ITPK1: variants seen among roughly 807,000 people sequenced by gnomAD.
ITPK1 encodes the protein inositol 1,3,4-trisphosphate 5/6-kinase.
In ITPK1, 21 loss-of-function variants were observed where a neutral mutation model predicts 45.3. That is an observed-to-expected ratio of 0.46 (90% CI 0.33 to 0.67). The LOEUF (loss-of-function observed/expected upper bound fraction) is 0.67. Among genes scored for constraint, ITPK1 ranks in the 30% least tolerant of loss-of-function variants. The pLI, the probability that ITPK1 is intolerant of heterozygous loss-of-function variation, is 0.02. For synonymous variants in ITPK1, 258 were observed against 253.6 expected (o/e 1.02, Z -0.16); for missense variants, 474 against 573.5 (o/e 0.83, Z 1.77).
At chr14:93,062,871 G>C (rs548300353) in intron 3 of ITPK1, among the ~76,000 whole-genome samples, 3 of 152,290 alleles carry the variant, frequency 2.0e-5, no homozygotes, top group African/African-American at 7.2e-5. Flanking sequence ...GTCCCTGATG[G>C]ACAAAGGAAG....
At chr14:93,112,288 C>T (rs1214012112) in intron 2 of ITPK1, among the ~76,000 whole-genome samples, 1 of 152,156 alleles carries the variant, frequency 6.6e-6, no homozygotes. Context: ...GTTTCCCCAT[C>T]TGTAAGACAA....
intron 9 of ITPK1, 108 bp from the exon 10 acceptor site, chr14:92,946,601 GC>G: frequency 9.1e-7 from 1 of 1,101,482 alleles, no homozygotes; most frequent in Non-Finnish European, 1.3e-6. Context: ...CATGCTTCAG[GC>G]CAGGAAGCCA....
intron 5 of ITPK1, among the ~76,000 whole-genome samples, chr14:92,983,317 C>T (rs768433775): frequency 6.6e-6 from 1 of 152,142 alleles, no homozygotes; most frequent in Non-Finnish European, 1.5e-5. Flanking sequence ...AACATGGCAG[C>T]CTTTTTTACT....
intron 3 of ITPK1, chr14:93,067,613 G>C (rs776202134): frequency 6.6e-6 from 1 of 152,102 alleles, no homozygotes; most frequent in Non-Finnish European, 1.5e-5. Flanking sequence ...AAACCACTCA[G>C]AGTATGACGA....
chr14:93,001,386 C>A (rs1241656555), intron 4 of ITPK1, among the ~76,000 whole-genome samples: 1 of 152,140 alleles, frequency 6.6e-6, no homozygotes, highest in Non-Finnish European at 1.5e-5. Flanking sequence ...CTCGGGACTC[C>A]AGCTTTCCAC....
chr14:92,977,048 T>G (rs1311152367), intron 5 of ITPK1, among the ~76,000 whole-genome samples: 1 of 152,260 alleles, frequency 6.6e-6, no homozygotes, highest in Admixed American at 6.5e-5. Flanking sequence ...ACTTCACCTT[T>G]TGGTGCCTTC....
chr14:92,991,017 G>T (rs1469248174), intron 5 of ITPK1, among the ~76,000 whole-genome samples: 1 of 151,006 alleles, frequency 6.6e-6, no homozygotes, highest in East Asian at 1.9e-4. Context: ...GGCAGGGGGG[G>T]TGACAACCGG....
intron 4 of ITPK1, among the ~76,000 whole-genome samples, chr14:93,001,672 T>C (rs1035154920): frequency 1.3e-5 from 2 of 152,210 alleles, no homozygotes; most frequent in Non-Finnish European, 2.9e-5. Flanking sequence ...CCAGTGATTC[T>C]ACCCTTGACA....
chr14:93,109,059 T>C (rs538978632), intron 2 of ITPK1, among the ~76,000 whole-genome samples: 4 of 152,188 alleles, frequency 2.6e-5, no homozygotes, highest in Non-Finnish European at 5.9e-5. Flanking sequence ...CTGTGCCCTC[T>C]GACCCAGCCC....
rs1252507541 is a variant in ITPK1, at chr14:93,114,154, T to C, written c.95+915A>G. Reference sequence around the variant, plus strand: ...TTTGCAAAAGGCTTTCAGAGCTAGATTCTCTTAGGCTTGCATTGAGAAAAG... The same window carrying C: ...TTTGCAAAAGGCTTTCAGAGCTAGACTCTCTTAGGCTTGCATTGAGAAAAG... On this transcript the variant is annotated intron_variant, in intron 2 of 10. Transcript: ENST00000267615. 3.3e-5 allele frequency among the ~76,000 whole-genome samples: 5 copies of C among 152,262 alleles called. No individual in the cohort carries two copies. In the East Asian group the frequency reaches 9.6e-4, roughly 29 times the overall value.
chr14:92,960,461 C>T (rs1006966441), intron 7 of ITPK1, among the ~76,000 whole-genome samples: 7 of 152,230 alleles, frequency 4.6e-5, no homozygotes, highest in African/African-American at 9.6e-5. Context: ...AAGCCGCTAA[C>T]GTCTCCAGTC....
chr14:93,006,080 G>A (rs1887600723), intron 4 of ITPK1, among the ~76,000 whole-genome samples: 1 of 152,176 alleles, frequency 6.6e-6, no homozygotes, highest in Non-Finnish European at 1.5e-5. Flanking sequence ...GCAGCAGAGG[G>A]ACTCTGTTCA....
chr14:93,086,831 A>G (rs1465943270), intron 2 of ITPK1, among the ~76,000 whole-genome samples: 2 of 152,250 alleles, frequency 1.3e-5, no homozygotes, highest in Non-Finnish European at 2.9e-5. Context: ...AGCCACAGGC[A>G]TGAGTCAGCC....
chr14:93,030,959 G>A (rs1156966865), intron 3 of ITPK1, among the ~76,000 whole-genome samples: 1 of 152,200 alleles, frequency 6.6e-6, no homozygotes, highest in African/African-American at 2.4e-5. Context: ...ACATTCCCGG[G>A]AACGCCAAAG....
chr14:92,962,501 T>C, intron 6 of ITPK1, 106 bp from the exon 7 acceptor site: 1 of 827,676 alleles, frequency 1.2e-6, no homozygotes, highest in Admixed American at 1.8e-5. Flanking sequence ...ACACAGACTC[T>C]GGACACCTGG....
intron 4 of ITPK1, among the ~76,000 whole-genome samples, chr14:93,006,839 C>T (rs147024695): frequency 2.8e-4 from 42 of 152,274 alleles, no homozygotes; most frequent in African/African-American, 1.0e-3. Context: ...TTTTTCCAGG[C>T]CTGCCACTGA....
At chr14:92,961,297 C>T (rs529252116) in intron 7 of ITPK1, among the ~76,000 whole-genome samples, 22 of 152,338 alleles carry the variant, frequency 1.4e-4, no homozygotes, top group African/African-American at 4.1e-4. Flanking sequence ...CTGGCCCCAG[C>T]GAAGCCCCTG....
rs148617200 is a variant in ITPK1 at position 92,939,932 on chromosome 14, C to G, written c.*1629G>C. The G allele has an allele frequency of 1.5e-5, 15 of 985,860 alleles. No individual in the cohort carries two copies. The East Asian group carries it at 1.7e-3, about 112-fold the overall frequency. 61.1% of individuals were successfully genotyped at this position (985,860 alleles called of 1,614,324 possible). On this transcript the variant is annotated 3_prime_UTR_variant, in exon 11 of 11. Coordinates refer to ENST00000267615, the MANE Select transcript of ITPK1 (RefSeq NM_014216.6). ...GAGGCCAGCCACGCTTTCCTGTTCCCCAGGGCTCAGGGTCAGAACTAGGAA... is the reference window on the plus strand; with the variant it reads ...GAGGCCAGCCACGCTTTCCTGTTCCGCAGGGCTCAGGGTCAGAACTAGGAA...
chr14:93,110,638 A>G (rs1409611792), intron 2 of ITPK1, among the ~76,000 whole-genome samples: 1 of 152,222 alleles, frequency 6.6e-6, no homozygotes, highest in African/African-American at 2.4e-5. Context: ...GGCCTGGGCT[A>G]CCTACCAAGG....
Sources: allele counts gnomAD v4.1 joint callset (sites outside exome capture counted in the v4.1 genomes callset), GRCh38; gene constraint gnomAD v4.1.1; transcripts MANE v1.5; gene names NCBI Gene and HGNC (gene_info 2026-07-23, HGNC 2026-07-21).